Variants in EEA1 observed in about 807,000 individuals in gnomAD.
EEA1 encodes the protein early endosome antigen 1, 162kD.
In EEA1, 111 loss-of-function variants were observed where a neutral mutation model predicts 209.2. The observed-to-expected ratio is 0.53, with a 90% CI of 0.45 to 0.62. The LOEUF is 0.62. EEA1 is among the 20% of genes least tolerant of loss of function. EEA1 has a pLI of 0.00. For synonymous variants in EEA1, 536 were observed against 540.6 expected (o/e 0.99, Z 0.12); for missense variants, 1,343 against 1,530.8 (o/e 0.88, Z 2.05).
Position 92,840,621 on chromosome 12 carries a change from C to T in EEA1, c.915+1844G>A, listed in dbSNP as rs899656786. ...GCCACCGCACCTGGCCAATGTTGCT[C>T]ATTTATAAAGAAACAATACAGAAAA... On this transcript the variant is annotated intron_variant, in intron 10 of 28. Transcript: ENST00000322349. Among the ~76,000 whole-genome samples the T allele has an allele frequency of 5.3e-5, 8 of 152,244 alleles. No homozygotes were observed. In the South Asian group the frequency reaches 8.3e-4, roughly 16 times the overall value.
intron 9 of EEA1, among the ~76,000 whole-genome samples, chr12:92,844,888 T>C (rs1245513205): frequency 6.6e-6 from 1 of 152,092 alleles, no homozygotes; most frequent in Non-Finnish European, 1.5e-5. Flanking sequence ...GTTCATAAAA[T>C]TTATTAAGCC....
At chr12:92,865,958 C>T (rs12316055) in intron 2 of EEA1, among the ~76,000 whole-genome samples, 92,869 of 150,684 alleles carry the variant, frequency 0.62, 29,393 homozygotes, top group East Asian at 0.94. Context: ...CCATGTTGGC[C>T]CGGTGGTCTC....
intron 21 of EEA1, among the ~76,000 whole-genome samples, chr12:92,792,098 A>C (rs1334733784): frequency 6.6e-6 from 1 of 152,226 alleles, no homozygotes; most frequent in South Asian, 2.1e-4. Flanking sequence ...ACAACATACC[A>C]GAATCTCTGG....
At chr12:92,778,995 A>T in intron 25 of EEA1, 120 bp downstream of exon 25, 2 of 831,804 alleles carry the variant, frequency 2.4e-6, no homozygotes, top group Non-Finnish European at 3.5e-6. Flanking sequence ...CTCCTTCCTT[A>T]ATCAAAAACT....
chr12:92,861,089 C>CA lies in EEA1; in HGVS notation c.246-3605dup, dbSNP rs200474809. 3.2e-3 allele frequency among the ~76,000 whole-genome samples: 488 copies of CA among 152,248 alleles called. 3 individuals carry two copies. Among genetic ancestry groups the CA allele is most frequent in the Admixed American group, 0.016 (250 of 15,290 alleles). On this transcript the variant is annotated intron_variant, in intron 3 of 28. Coordinates refer to ENST00000322349, the MANE Select transcript of EEA1 (RefSeq NM_003566.4). ...TCCCCTCACCTAAGGGTCAAACTGACAAAGAATGGTGAACTGACCATTCTA... is the reference window on the plus strand; with the variant it reads ...TCCCCTCACCTAAGGGTCAAACTGACAAAAGAATGGTGAACTGACCATTCTA...
intron 21 of EEA1, among the ~76,000 whole-genome samples, chr12:92,793,906 G>A (rs542030647): frequency 4.6e-5 from 7 of 152,212 alleles, no homozygotes; most frequent in Admixed American, 6.5e-5. Flanking sequence ...AAGAGCTTCC[G>A]CACGGCAAAA....
At chr12:92,892,617 C>T (rs1336941236) in intron 1 of EEA1, among the ~76,000 whole-genome samples, 1 of 138,582 alleles carries the variant, frequency 7.2e-6, no homozygotes, top group Admixed American at 7.0e-5. Context: ...CTCTGTCATC[C>T]AGGCTGGAGC....
At chr12:92,799,112 G>C in intron 20 of EEA1, 26 bp from the exon 21 acceptor site, 1 of 1,525,668 alleles carries the variant, frequency 6.6e-7, no homozygotes, top group Non-Finnish European at 8.8e-7. Flanking sequence ...AATCTATTTA[G>C]CCTTCATTTG....
chr12:92,913,170 G>A (rs929090244), intron 1 of EEA1, among the ~76,000 whole-genome samples: 3 of 152,118 alleles, frequency 2.0e-5, no homozygotes, highest in Non-Finnish European at 4.4e-5. Context: ...ACAATGTATG[G>A]GCATTCCCTT....
chr12:92,866,105 T>C (rs530300092), intron 2 of EEA1, among the ~76,000 whole-genome samples: 24 of 144,334 alleles, frequency 1.7e-4, no homozygotes, highest in African/African-American at 5.7e-4. Flanking sequence ...AGTAGGAGAA[T>C]TGCTTGAACC....
chr12:92,896,726 G>A (rs144961179), intron 1 of EEA1, among the ~76,000 whole-genome samples: 12,217 of 151,882 alleles, frequency 0.08, 576 homozygotes, highest in Non-Finnish European at 0.098. Flanking sequence ...GCTTGAATCC[G>A]GGAGGTGGAG....
intron 2 of EEA1, among the ~76,000 whole-genome samples, chr12:92,866,988 ACT>A (rs1371071552): frequency 1.3e-5 from 2 of 152,132 alleles, no homozygotes; most frequent in African/African-American, 2.4e-5. Flanking sequence ...TCTTGTCCAC[ACT>A]CTGCAATAAC....
At chr12:92,823,446 C>T (rs1372576835) in intron 13 of EEA1, among the ~76,000 whole-genome samples, 1 of 152,198 alleles carries the variant, frequency 6.6e-6, no homozygotes, top group Non-Finnish European at 1.5e-5. Context: ...TTCTCACTAC[C>T]ACCATCTTTG....
At chr12:92,881,660 G>C (rs1311275512) in intron 2 of EEA1, among the ~76,000 whole-genome samples, 2 of 152,134 alleles carry the variant, frequency 1.3e-5, no homozygotes, top group Non-Finnish European at 2.9e-5. Context: ...TAAAAGACAG[G>C]CCATTAGTGA....
chr12:92,881,450 G>C (rs555526542), intron 2 of EEA1, among the ~76,000 whole-genome samples: 1 of 152,124 alleles, frequency 6.6e-6, no homozygotes, highest in Non-Finnish European at 1.5e-5. Context: ...AAAGGAAAAG[G>C]AAGAAAGGGA....
intron 1 of EEA1, among the ~76,000 whole-genome samples, chr12:92,906,958 A>G (rs1880408881): frequency 6.6e-6 from 1 of 152,218 alleles, no homozygotes; most frequent in Admixed American, 6.5e-5. Flanking sequence ...CCTTAAGAAC[A>G]ATGCTTTAAA....
chr12:92,854,001 T>TAAC (rs920730613), intron 5 of EEA1, 47 bp from the exon 6 acceptor site: 7 of 1,441,596 alleles, frequency 4.9e-6, no homozygotes, highest in Middle Eastern at 1.9e-4. Context: ...AAGGAAAAGA[T>TAAC]AATACTGTTA....
intron 1 of EEA1, among the ~76,000 whole-genome samples, chr12:92,927,557 G>C (rs981789802): frequency 3.3e-5 from 5 of 152,158 alleles, no homozygotes; most frequent in African/African-American, 1.2e-4. Flanking sequence ...CTACAGCTGA[G>C]CTACCCTTAA....
chr12:92,911,354 T>C (rs1477090449), intron 1 of EEA1, among the ~76,000 whole-genome samples: 2 of 152,146 alleles, frequency 1.3e-5, no homozygotes, highest in African/African-American at 4.8e-5. Context: ...CATATATTAC[T>C]AAGTGAAATA....
Sources: allele counts gnomAD v4.1 joint callset (sites outside exome capture counted in the v4.1 genomes callset), GRCh38; gene constraint gnomAD v4.1.1; transcripts MANE v1.5; gene names NCBI Gene and HGNC (gene_info 2026-07-23, HGNC 2026-07-21).